SLC11A2: variants seen among roughly 807,000 people sequenced by gnomAD.
SLC11A2 encodes the protein solute carrier family 11 member 2.
A neutral mutation model predicts 68.0 loss-of-function variants in SLC11A2; 38 were observed. The observed-to-expected ratio is 0.56, with a 90% CI of 0.43 to 0.73. The LOEUF (loss-of-function observed/expected upper bound fraction) is 0.73. Among genes scored for constraint, SLC11A2 ranks in the 30% least tolerant of loss-of-function variants. SLC11A2 has a pLI of 0.00. For synonymous variants in SLC11A2, 242 were observed against 250.6 expected (o/e 0.97, Z 0.32); for missense variants, 517 against 690.5 (o/e 0.75, Z 2.82).
At chr12:50,972,731 C>G in the SLC11A2 span, among the ~76,000 whole-genome samples, 1 of 152,244 alleles carries the variant, frequency 6.6e-6, no homozygotes, top group Non-Finnish European at 1.5e-5. Context: ...TCAGAGAATT[C>G]CCTTTCCTAG....
chr12:50,968,401 G>A, the SLC11A2 span, among the ~76,000 whole-genome samples: 27 of 151,280 alleles, frequency 1.8e-4, no homozygotes, highest in Admixed American at 2.6e-4. Context: ...GTGTGTGTGT[G>A]GGGGGAGACA....
chr12:50,972,678 C>T, the SLC11A2 span, among the ~76,000 whole-genome samples: 3 of 152,194 alleles, frequency 2.0e-5, no homozygotes, highest in South Asian at 2.1e-4. Flanking sequence ...GAGCATGAGC[C>T]GAAGCAGGGC....
chr12:51,009,803 G>A (rs578117205), intron 2 of SLC11A2, among the ~76,000 whole-genome samples: 81 of 152,292 alleles, frequency 5.3e-4, no homozygotes, highest in African/African-American at 1.9e-3. Flanking sequence ...GCCCTTGCAA[G>A]CATTACTGCC....
chr12:51,008,251 TAGATAG>T (rs1555222058), intron 3 of SLC11A2: 123 of 152,600 alleles, frequency 8.1e-4, no homozygotes, highest in East Asian at 2.7e-3. Context: ...GATAGATAGA[TAGATAG>T]ATAGACGGAC....
intron 3 of SLC11A2, chr12:51,005,658 G>T: frequency 7.3e-7 from 1 of 1,370,900 alleles, no homozygotes; most frequent in Non-Finnish European, 9.6e-7. Context: ...CTTACCTGCA[G>T]GTTCCATCAG....
the SLC11A2 span, among the ~76,000 whole-genome samples, chr12:50,958,941 C>T: frequency 5.9e-5 from 9 of 151,478 alleles, no homozygotes; most frequent in East Asian, 2.0e-4. Flanking sequence ...CACTTAAACC[C>T]GGGAGGCAGA....
the SLC11A2 span, chr12:50,954,307 C>G: frequency 2.3e-6 from 1 of 443,414 alleles, no homozygotes; most frequent in East Asian, 3.5e-5. Context: ...AAATTTTATT[C>G]TATTTTATCC....
intron 11 of SLC11A2, among the ~76,000 whole-genome samples, chr12:50,994,144 G>A (rs1325941369): frequency 2.6e-5 from 4 of 151,542 alleles, no homozygotes; most frequent in African/African-American, 4.9e-5. Flanking sequence ...AGGTTCAAGC[G>A]ATTCTCGTGT....
intron 2 of SLC11A2, among the ~76,000 whole-genome samples, chr12:51,010,249 A>G (rs1259943764): frequency 6.6e-6 from 1 of 150,632 alleles, no homozygotes; most frequent in African/African-American, 2.4e-5. Flanking sequence ...TGGGCGCGGT[A>G]GCTCATGCTT....
chr12:50,999,291 C>A (rs1942003019), intron 7 of SLC11A2, 50 bp from the exon 8 acceptor site: 1 of 1,608,618 alleles, frequency 6.2e-7, no homozygotes, highest in African/African-American at 1.3e-5. Context: ...ACTTCCCCAT[C>A]TGCCACATGA....
At chr12:51,005,796 G>T in intron 3 of SLC11A2, 1 of 760,798 alleles carries the variant, frequency 1.3e-6, no homozygotes, top group Non-Finnish European at 1.9e-6. Flanking sequence ...TGTGCCTATA[G>T]TCCAACTACT....
At chr12:50,977,800 G>GA (rs1565967610), downstream of SLC11A2, among the ~76,000 whole-genome samples, 3 of 151,392 alleles carry the variant, frequency 2.0e-5, no homozygotes, top group Admixed American at 6.6e-5. Context: ...AATTTCACAA[G>GA]AAAAAAAACA....
At chr12:51,003,744 A>G (rs1942477769) in intron 5 of SLC11A2, among the ~76,000 whole-genome samples, 1 of 147,990 alleles carries the variant, frequency 6.8e-6, no homozygotes, top group Non-Finnish European at 1.5e-5. Flanking sequence ...CCTAGACAAC[A>G]TAGCAATACC....
the SLC11A2 span, among the ~76,000 whole-genome samples, chr12:50,968,923 C>T: frequency 6.6e-6 from 1 of 152,170 alleles, no homozygotes; most frequent in African/African-American, 2.4e-5. Flanking sequence ...AAGTGATCCT[C>T]CTCCCTTGGC....
At position 51,009,149 on chromosome 12, in the gene SLC11A2, T is replaced by A. The variant is rs147818843; in HGVS notation, c.35-525A>T. On this transcript the variant is annotated intron_variant, in intron 2 of 15. Coordinates refer to ENST00000262052, the MANE Select transcript of SLC11A2 (RefSeq NM_000617.3). Reference sequence around the variant, plus strand: ...ATCGACCGTGGACATTATACCTCCATCAGACTTCTCAAAAAATGTGCAAGT... The same window carrying A: ...ATCGACCGTGGACATTATACCTCCAACAGACTTCTCAAAAAATGTGCAAGT... 5.3e-6 allele frequency: 8 copies of A among 1,504,318 alleles called. No individual in the cohort carries two copies. The African/African-American group carries it at 9.8e-5, about 18-fold the overall frequency. The allele number at this position is 1,504,318 out of a possible 1,614,324, so 93.2% of individuals were successfully genotyped here. A position where few individuals can be genotyped will look rare whatever the true frequency, so the allele number is the denominator to read the frequency against.
Position 50,992,197 on chromosome 12 carries a change from C to T in SLC11A2, c.1340G>A (p.Ser447Asn), listed in dbSNP as rs1198082657. 4 of 1,613,884 alleles carry T rather than the reference C, an allele frequency of 2.5e-6. No individual in the cohort carries two copies. The highest frequency in any genetic ancestry group is 3.4e-6 in the Non-Finnish European group (4 of 1,179,942). The change falls in exon 13 of 16, where the codon AGC becomes AAC. Residue 447 changes from serine to asparagine, a missense_variant. Ser to Asn is a conservative substitution (Grantham distance 46). Transcript: ENST00000262052. ...CCTCAGCTTCCTCCTCACCTGTAAG[C>T]TCTGTAGAACATTCAGAAAGTCATT... ...GMNDFLNVLQSLQLPFALIPI... is the reference protein window; with the variant it reads ...GMNDFLNVLQNLQLPFALIPI...
chr12:50,981,500 G>T (rs1592284115), downstream of SLC11A2: 1 of 451,690 alleles, frequency 2.2e-6, no homozygotes, highest in African/African-American at 2.0e-5. Flanking sequence ...GCCATCAGAG[G>T]CCAATCGTTT....
At chr12:51,002,368 G>C (rs1407724479) in intron 5 of SLC11A2, among the ~76,000 whole-genome samples, 1 of 152,064 alleles carries the variant, frequency 6.6e-6, no homozygotes, top group African/African-American at 2.4e-5. Context: ...GCCAGGCACA[G>C]TATCTCACAT....
chr12:50,972,059 A>G, the SLC11A2 span, among the ~76,000 whole-genome samples: 1 of 152,362 alleles, frequency 6.6e-6, no homozygotes, highest in Admixed American at 6.5e-5. Flanking sequence ...TTATTCCATT[A>G]GAGTAAATAT....
Sources: allele counts gnomAD v4.1 joint callset (sites outside exome capture counted in the v4.1 genomes callset), GRCh38; gene constraint gnomAD v4.1.1; transcripts MANE v1.5; gene names NCBI Gene and HGNC (gene_info 2026-07-23, HGNC 2026-07-21).